Variants in PWWP3B observed in about 807,000 individuals in gnomAD.
The protein encoded by PWWP3B is PWWP domain-containing DNA repair factor 3B.
Under a neutral mutation model 15.7 loss-of-function variants are expected in PWWP3B, and 5 were observed. The observed-to-expected ratio is 0.32, with a 90% CI of 0.17 to 0.67. The LOEUF (loss-of-function observed/expected upper bound fraction) is 0.67, where lower values mean the gene tolerates loss of function less well. Ranked by LOEUF, PWWP3B falls within the 30% of genes least tolerant of loss-of-function variation. PWWP3B has a pLI of 0.74. For missense variants in PWWP3B, 519 were observed against 493.1 expected, an observed-to-expected ratio of 1.05 and a Z score of -0.50; for synonymous variants, 203 against 179.8, an observed-to-expected ratio of 1.13 and a Z score of -1.03.
intron 2 of PWWP3B, among the ~76,000 whole-genome samples, chrX:106,203,668 G>A (rs1408255872): frequency 8.9e-6 from 1 of 112,067 alleles, no homozygotes. Flanking sequence ...GATAACTGAT[G>A]TGAGCATTCA....
At position 106,207,205 on chromosome X, in the gene PWWP3B, G is replaced by C. The variant is rs774398332; in HGVS notation, c.1773G>C (p.Arg591Ser). The C allele has an allele frequency of 1.7e-6, 2 of 1,207,393 alleles. No homozygotes were observed. The highest frequency in any genetic ancestry group is 3.5e-5 in the African/African-American group (2 of 57,349). The change falls in exon 4 of 4, where the codon AGG (arginine) becomes AGC (serine). Residue 591 changes from arginine (R) to serine (S), a missense_variant. Transcript: ENST00000357175. ...RWLKSFLNAN[R>S]FTPCIETYFE... ...TGAAATCATTTTTGAATGCAAATAGGTTCACACCCTGTATTGAAACATACT... is the reference window on the plus strand; with the variant it reads ...TGAAATCATTTTTGAATGCAAATAGCTTCACACCCTGTATTGAAACATACT...
chrX:106,177,929 AT>A (rs1298034308), intron 2 of PWWP3B, among the ~76,000 whole-genome samples: 3 of 111,924 alleles, frequency 2.7e-5, no homozygotes, highest in Non-Finnish European at 5.6e-5. Flanking sequence ...TTTAAAATCT[AT>A]TTTTCACTAC....
intron 2 of PWWP3B, among the ~76,000 whole-genome samples, chrX:106,193,230 G>T (rs1315642354): frequency 3.6e-5 from 4 of 111,245 alleles, no homozygotes; most frequent in Non-Finnish European, 7.5e-5. Flanking sequence ...CTCCTGTATT[G>T]GGTGCATATA....
Position 106,207,478 on chromosome X carries a change from A to T in PWWP3B, c.2046A>T (p.Ile682=). The part of the protein sequence containing the change: ...YRERELFDAK[I]IYEKRRKAPT... ...AAAGAGAATTATTTGATGCAAAAAT[A>T]ATATATGAAAAGAGACGAAAAGCAC... Residue 682 remains isoleucine (I), a synonymous_variant, in exon 4 of 4, where the codon ATA becomes ATT. Coordinates refer to ENST00000357175, the MANE Select transcript of PWWP3B (RefSeq NM_001171020.2). 2.6e-6 allele frequency: 3 copies of T among 1,154,990 alleles called. No individual in the cohort carries two copies. In the South Asian group the frequency reaches 6.0e-5, roughly 23 times the overall value.
chrX:106,192,972 A>G (rs1211078137), intron 2 of PWWP3B, among the ~76,000 whole-genome samples: 2 of 111,216 alleles, frequency 1.8e-5, no homozygotes, highest in Non-Finnish European at 3.8e-5. Context: ...CTATGTGGTC[A>G]ATTTTGGAGT....
chrX:106,204,578 G>T (rs1923883022), intron 3 of PWWP3B, among the ~76,000 whole-genome samples: 1 of 111,926 alleles, frequency 8.9e-6, no homozygotes, highest in Non-Finnish European at 1.9e-5. Flanking sequence ...AAGAGTCATT[G>T]TATTTTTGTT....
chrX:106,188,511 G>C (rs777597006), intron 2 of PWWP3B, among the ~76,000 whole-genome samples: 1 of 111,536 alleles, frequency 9.0e-6, no homozygotes, highest in African/African-American at 3.2e-5. Context: ...TTTAAGACCC[G>C]GGTTTAAAGA....
chrX:106,195,676 C>A (rs1214985771), intron 2 of PWWP3B, among the ~76,000 whole-genome samples: 2 of 111,755 alleles, frequency 1.8e-5, no homozygotes, highest in East Asian at 5.6e-4. Flanking sequence ...AATCCTATGT[C>A]AATAAGAAAC....
At chrX:106,195,213 A>G (rs1328024713) in intron 2 of PWWP3B, among the ~76,000 whole-genome samples, 1 of 112,011 alleles carries the variant, frequency 8.9e-6, no homozygotes, top group Admixed American at 9.5e-5. Flanking sequence ...TGGTTATTCA[A>G]TAATAATCTT....
chrX:106,184,166 C>T (rs1259529424), intron 2 of PWWP3B, among the ~76,000 whole-genome samples: 1 of 111,219 alleles, frequency 9.0e-6, no homozygotes, highest in Admixed American at 9.6e-5. Flanking sequence ...TATTATAGAA[C>T]ACCGAGGTTG....
intron 3 of PWWP3B, among the ~76,000 whole-genome samples, chrX:106,204,557 T>A (rs753381580): frequency 8.9e-6 from 1 of 112,025 alleles, no homozygotes; most frequent in African/African-American, 3.2e-5. Flanking sequence ...CTTCTAAAAT[T>A]ATGCTTTTAG....
intron 2 of PWWP3B, among the ~76,000 whole-genome samples, chrX:106,202,990 T>C (rs996472202): frequency 2.7e-5 from 3 of 111,324 alleles, no homozygotes; most frequent in African/African-American, 9.8e-5. Context: ...TGGGGTTTGT[T>C]ACATCTTCGG....
intron 2 of PWWP3B, among the ~76,000 whole-genome samples, chrX:106,191,947 A>AT (rs1465752608): frequency 3.6e-5 from 4 of 111,477 alleles, no homozygotes; most frequent in Admixed American, 2.9e-4. Context: ...ATTTGCCAGT[A>AT]TTTTTTTGAG....
At chrX:106,204,770 G>T (rs1042762825) in intron 3 of PWWP3B, among the ~76,000 whole-genome samples, 1 of 111,792 alleles carries the variant, frequency 8.9e-6, no homozygotes, top group Non-Finnish European at 1.9e-5. Context: ...AAACTTTTGA[G>T]CACAAGCCAA....
At chrX:106,194,927 C>T (rs776225729) in intron 2 of PWWP3B, among the ~76,000 whole-genome samples, 1 of 111,289 alleles carries the variant, frequency 9.0e-6, no homozygotes, top group African/African-American at 3.3e-5. Context: ...AGTACCCGGC[C>T]GTATGAGGTG....
chrX:106,182,507 G>A (rs1204292405), intron 2 of PWWP3B, among the ~76,000 whole-genome samples: 1 of 111,525 alleles, frequency 9.0e-6, no homozygotes, highest in African/African-American at 3.3e-5. Context: ...AGACAGAACT[G>A]GTTGTGTATG....
chrX:106,178,026 G>A (rs908480355), intron 2 of PWWP3B, among the ~76,000 whole-genome samples: 3 of 111,885 alleles, frequency 2.7e-5, no homozygotes, highest in African/African-American at 9.8e-5. Context: ...TACCCATTTT[G>A]TTTCAAATAC....
chrX:106,180,369 C>T (rs931037773), intron 2 of PWWP3B, among the ~76,000 whole-genome samples: 28 of 111,218 alleles, frequency 2.5e-4, no homozygotes, highest in African/African-American at 9.2e-4. Context: ...AAATATTTCC[C>T]CCCCAACCAC....
At chrX:106,179,045 C>A (rs926682901) in intron 2 of PWWP3B, among the ~76,000 whole-genome samples, 4 of 111,957 alleles carry the variant, frequency 3.6e-5, no homozygotes, top group African/African-American at 1.3e-4. Context: ...AGTTCTGTTT[C>A]TCGTCACAAG....
Sources: allele counts gnomAD v4.1 joint callset (sites outside exome capture counted in the v4.1 genomes callset), GRCh38; gene constraint gnomAD v4.1.1; transcripts MANE v1.5; gene names NCBI Gene and HGNC (gene_info 2026-07-23, HGNC 2026-07-21).